Variants in ZNF730 observed in about 807,000 individuals in gnomAD.
ZNF730 encodes zinc finger protein 730.
In ZNF730, 12 loss-of-function variants were observed where a neutral mutation model predicts 12.6. The observed-to-expected ratio is 0.95, with a 90% confidence interval of 0.61 to 1.54. The LOEUF is 1.54. Among genes scored for constraint, ZNF730 ranks in the 40% most tolerant of loss-of-function variants. ZNF730 has a pLI of 0.00. For synonymous variants in ZNF730, 194 were observed against 195.8 expected, an observed-to-expected ratio of 0.99 and a Z score of 0.08; for missense variants, 643 against 583.5, an observed-to-expected ratio of 1.10 and a Z score of -1.05.
chr19:23,082,657 T>A (rs965947415), intron 1 of ZNF730, among the ~76,000 whole-genome samples: 3 of 152,130 alleles, frequency 2.0e-5, no homozygotes, highest in Admixed American at 6.6e-5. Context: ...TAATTTTTTT[T>A]AATAGCTAAG....
intron 1 of ZNF730, among the ~76,000 whole-genome samples, chr19:23,077,127 T>C (rs1358000095): frequency 1.3e-5 from 2 of 152,090 alleles, no homozygotes; most frequent in Admixed American, 1.3e-4. Flanking sequence ...AAAGTGAAAG[T>C]TGAATGATGG....
At chr19:23,088,495 C>CT (rs1195553078) in intron 1 of ZNF730, among the ~76,000 whole-genome samples, 1 of 151,988 alleles carries the variant, frequency 6.6e-6, no homozygotes, top group East Asian at 1.9e-4. Flanking sequence ...GTGTCTCACT[C>CT]TGTCTCTCCA....
intron 1 of ZNF730, chr19:23,123,948 A>G (rs888887239): frequency 2.0e-5 from 3 of 152,060 alleles, no homozygotes; most frequent in Non-Finnish European, 2.9e-5. Context: ...CTGGAAATCT[A>G]GCAGTACTTT....
intron 1 of ZNF730, among the ~76,000 whole-genome samples, chr19:23,092,354 G>A (rs1399072098): frequency 1.3e-5 from 2 of 151,990 alleles, no homozygotes; most frequent in Non-Finnish European, 2.9e-5. Flanking sequence ...CAGCACTTTG[G>A]GAGGCCGAGG....
At chr19:23,090,551 T>C (rs1475234160) in intron 1 of ZNF730, among the ~76,000 whole-genome samples, 3 of 152,008 alleles carry the variant, frequency 2.0e-5, no homozygotes, top group Non-Finnish European at 1.5e-5. Flanking sequence ...AAAACCCCAT[T>C]TTTTGAGGAG....
chr19:23,145,857 T>A lies in ZNF730; in HGVS notation c.813T>A (p.Leu271=), dbSNP rs1463975918. Residue 271 remains leucine, a synonymous_variant, in exon 4 of 4, where the codon CTT becomes CTA. Transcript: ENST00000597761. ...CGKFFNQSTN[L]TTHKRIHTGE... is the part of the protein sequence containing the mutation. ...AATTTTTTAACCAATCCACAAACCT[T>A]ACTACACATAAAAGAATTCATACTG... is the stretch of plus-strand genomic sequence containing the variant. 2 of 1,607,154 alleles carry A rather than the reference T, an allele frequency of 1.2e-6. No individual in the cohort carries two copies. The highest frequency in any genetic ancestry group is 1.7e-6 in the Non-Finnish European group (2 of 1,178,378).
chr19:23,131,370 A>G (rs1010209618), intron 1 of ZNF730, among the ~76,000 whole-genome samples: 31 of 152,278 alleles, frequency 2.0e-4, no homozygotes, highest in African/African-American at 7.2e-4. Context: ...GTAATGTGCT[A>G]TCACAGTGCC....
At position 23,145,671 on chromosome 19, in the gene ZNF730, C is replaced by T. The variant is rs1599604248; in HGVS notation, c.627C>T (p.Ala209=). Residue 209 remains alanine (A), a synonymous_variant, in exon 4 of 4, where the codon GCC becomes GCT. Transcript: ENST00000597761. ...KSYKCEEYGK[A]FNESSNCTTH... ...ACAAATGTGAAGAATATGGCAAAGC[C>T]TTTAATGAGTCCTCAAACTGTACTA... 6.4e-7 allele frequency: 1 copy of T among 1,556,516 alleles called. No homozygotes were observed. Among genetic ancestry groups the T allele is most frequent in the South Asian group, 1.2e-5 (1 of 84,372 alleles).
At position 23,144,318 on chromosome 19, in the gene ZNF730, A is replaced by G. The variant is rs139897548; in HGVS notation, c.227-953A>G. ...CTAAAAGCAATCGTTTTGGCTAGACATTCTGGGAGTCTCTCACACATGTTC... is the reference window on the plus strand; with the variant it reads ...CTAAAAGCAATCGTTTTGGCTAGACGTTCTGGGAGTCTCTCACACATGTTC... On this transcript the variant is annotated intron_variant, in intron 3 of 3. Transcript: ENST00000597761. 52 of 152,278 alleles carry G rather than the reference A, an allele frequency of 3.4e-4. No individual in the cohort carries two copies. In the East Asian group the frequency reaches 8.5e-3, roughly 25 times the overall value. 9.4% of individuals were successfully genotyped at this position (152,278 alleles called of 1,614,324 possible). A position where few individuals can be genotyped will look rare whatever the true frequency, so the allele number is the denominator to read the frequency against.
Position 23,146,865 on chromosome 19 carries a change from T to A in ZNF730, c.*309T>A. The A allele has an allele frequency of 1.4e-6, 1 of 691,274 alleles. No individual in the cohort carries two copies. The highest frequency in any genetic ancestry group is 2.5e-6 in the Non-Finnish European group (1 of 394,268). 42.8% of individuals were successfully genotyped at this position (691,274 alleles called of 1,614,324 possible). ...ATCCTTAATTCTTAACAGACATGAT[T>A]CATACCAGAGAGAAACTCTACAAAC... On this transcript the variant is annotated 3_prime_UTR_variant, in exon 4 of 4. Transcript: ENST00000597761.
At chr19:23,135,503 TTTTC>T (rs1482774608) in intron 2 of ZNF730, among the ~76,000 whole-genome samples, 16 of 151,892 alleles carry the variant, frequency 1.1e-4, no homozygotes, top group East Asian at 7.7e-4. Flanking sequence ...TAGAAATTTC[TTTTC>T]TTTATTTTTT....
intron 1 of ZNF730, among the ~76,000 whole-genome samples, chr19:23,131,773 A>T (rs1272052888): frequency 6.6e-6 from 1 of 152,210 alleles, no homozygotes; most frequent in Non-Finnish European, 1.5e-5. Context: ...ATCACATTTC[A>T]TAGAGTAGGG....
At chr19:23,103,599 A>G (rs967786842) in intron 1 of ZNF730, among the ~76,000 whole-genome samples, 4 of 152,148 alleles carry the variant, frequency 2.6e-5, no homozygotes, top group South Asian at 4.1e-4. Context: ...TGGCTTTTGG[A>G]TACTTCAGAG....
intron 1 of ZNF730, chr19:23,098,328 TTCA>T (rs1246215986): frequency 6.6e-6 from 1 of 152,176 alleles, no homozygotes; most frequent in Non-Finnish European, 1.5e-5. Context: ...TATATTTTTC[TTCA>T]TCACCTAGGT....
At chr19:23,088,997 C>T (rs569783308) in intron 1 of ZNF730, among the ~76,000 whole-genome samples, 4 of 151,432 alleles carry the variant, frequency 2.6e-5, no homozygotes, top group Non-Finnish European at 4.4e-5. Context: ...CTCAGCCTCT[C>T]GAGTAGCTGG....
Position 23,127,657 on chromosome 19 carries a change from T to G in ZNF730, c.4-6423T>G, listed in dbSNP as rs1970687154. The G allele has an allele frequency of 3.4e-6, 4 of 1,176,970 alleles. No individual in the cohort carries two copies. The South Asian group carries it at 4.9e-5, about 14-fold the overall frequency. The allele number at this position is 1,176,970 out of a possible 1,614,324, so 72.9% of individuals were successfully genotyped here. ...AACTCTTTGTGTGAATGGTGAATTT[T>G]ACTTTATTCCGCTCACTAAGAGCAT... is the stretch of plus-strand genomic sequence containing the variant. On this transcript the variant is annotated intron_variant, in intron 1 of 3. Transcript: ENST00000597761.
chr19:23,118,057 G>T (rs765629119), intron 1 of ZNF730, among the ~76,000 whole-genome samples: 8 of 151,960 alleles, frequency 5.3e-5, no homozygotes, highest in Non-Finnish European at 1.0e-4. Context: ...ACTCTGTCTT[G>T]CAGTAAAATA....
chr19:23,127,336 T>G lies in ZNF730; in HGVS notation c.4-6744T>G, dbSNP rs1970683501. On this transcript the variant is annotated intron_variant, in intron 1 of 3. Transcript: ENST00000597761. ...TTAAATATTTTCTCAAAATAGGATG[T>G]GCTGTCACATGACATAGGAACACTT... 3 of 694,216 alleles carry G rather than the reference T, an allele frequency of 4.3e-6. No homozygotes were observed. In the Admixed American group the frequency reaches 6.5e-5, roughly 15 times the overall value. The allele number at this position is 694,216 out of a possible 1,614,324, so 43.0% of individuals were successfully genotyped here. A position where few individuals can be genotyped will look rare whatever the true frequency, so the allele number is the denominator to read the frequency against.
At chr19:23,112,261 A>G (rs1172679752), upstream of ZNF730, among the ~76,000 whole-genome samples, 1 of 152,232 alleles carries the variant, frequency 6.6e-6, no homozygotes, top group Non-Finnish European at 1.5e-5. Flanking sequence ...TAATAAGATC[A>G]AAAATCAAGA....
Sources: allele counts gnomAD v4.1 joint callset (sites outside exome capture counted in the v4.1 genomes callset), GRCh38; gene constraint gnomAD v4.1.1; transcripts MANE v1.5; gene names NCBI Gene and HGNC (gene_info 2026-07-23, HGNC 2026-07-21).